The following ELP3 variants were observed in gnomAD, a reference collection of about 807,000 sequenced individuals.
ELP3 encodes elongator complex protein 3.
Under a neutral mutation model 74.9 loss-of-function variants are expected in ELP3, and 56 were observed. The ratio of observed to expected loss-of-function variants is 0.75; its 90% CI spans 0.60 to 0.93. The LOEUF (loss-of-function observed/expected upper bound fraction) is 0.93. Ranked by LOEUF, ELP3 falls within the 40% of genes least tolerant of loss-of-function variation. The pLI is 0.00. For missense variants in ELP3, 573 were observed against 686.5 expected (o/e 0.83, Z 1.85); for synonymous variants, 222 against 239.8 (o/e 0.93, Z 0.68).
intron 3 of ELP3, 57 bp downstream of exon 3, chr8:28,100,023 C>T (rs770788471): frequency 9.9e-5 from 159 of 1,610,218 alleles, no homozygotes; most frequent in East Asian, 1.6e-4. Context: ...TGGCAGAAGT[C>T]CCTGCTCCAT....
At chr8:28,144,242 G>A (rs1813348540) in intron 10 of ELP3, among the ~76,000 whole-genome samples, 2 of 152,164 alleles carry the variant, frequency 1.3e-5, no homozygotes, top group Non-Finnish European at 2.9e-5. Flanking sequence ...ATTCATGTTC[G>A]TATAGGACAC....
At chr8:28,137,419 T>G (rs1813030487) in intron 9 of ELP3, among the ~76,000 whole-genome samples, 1 of 151,276 alleles carries the variant, frequency 6.6e-6, no homozygotes, top group Non-Finnish European at 1.5e-5. Context: ...TTTGCAGGAG[T>G]GGAAAGGCCA....
intron 14 of ELP3, among the ~76,000 whole-genome samples, chr8:28,177,430 T>TA (rs1814803909): frequency 6.6e-6 from 1 of 152,232 alleles, no homozygotes; most frequent in African/African-American, 2.4e-5. Context: ...ATGAAACTAA[T>TA]GAATATATTT....
chr8:28,093,017 C>G, upstream of ELP3: 2 of 846,200 alleles, frequency 2.4e-6, no homozygotes, highest in Non-Finnish European at 3.8e-6. Context: ...AGGGGCCTCA[C>G]GGGCCGCCTG....
chr8:28,161,955 C>T, intron 13 of ELP3, 42 bp from the exon 14 acceptor site: 2 of 1,600,890 alleles, frequency 1.2e-6, no homozygotes, highest in Non-Finnish European at 1.7e-6. Context: ...TAATGAACTT[C>T]CTTCCTTTTT....
chr8:28,182,423 T>A (rs1404257983), intron 14 of ELP3, among the ~76,000 whole-genome samples: 1 of 152,082 alleles, frequency 6.6e-6, no homozygotes, highest in Non-Finnish European at 1.5e-5. Context: ...TAGCTGGGTG[T>A]GGTGGCATGC....
At chr8:28,183,639 G>A (rs1476791593) in intron 14 of ELP3, among the ~76,000 whole-genome samples, 1 of 152,090 alleles carries the variant, frequency 6.6e-6, no homozygotes, top group African/African-American at 2.4e-5. Flanking sequence ...TGCCCAGGCT[G>A]GTCTCGAACT....
chr8:28,179,344 C>T (rs551230790), intron 14 of ELP3, among the ~76,000 whole-genome samples: 8 of 152,294 alleles, frequency 5.3e-5, no homozygotes, highest in Middle Eastern at 6.8e-3. Flanking sequence ...ATGGATATTT[C>T]GGTAGTTTGC....
intron 14 of ELP3, among the ~76,000 whole-genome samples, chr8:28,179,738 C>T (rs1469198025): frequency 5.3e-5 from 8 of 152,138 alleles, no homozygotes; most frequent in East Asian, 1.9e-4. Context: ...CCCTTGCATG[C>T]GTAGTTCACA....
chr8:28,180,671 T>C (rs1458009221), intron 14 of ELP3, among the ~76,000 whole-genome samples: 2 of 152,202 alleles, frequency 1.3e-5, no homozygotes, highest in African/African-American at 2.4e-5. Flanking sequence ...ACCTAGGTGA[T>C]GCTAGCTTCC....
chr8:28,173,564 T>TA (rs1814620089), intron 14 of ELP3, among the ~76,000 whole-genome samples: 3 of 151,856 alleles, frequency 2.0e-5, no homozygotes, highest in African/African-American at 4.8e-5. Context: ...TTTTTTTTTT[T>TA]AATTCTCTAT....
At chr8:28,132,905 A>AT (rs1049359319) in intron 9 of ELP3, among the ~76,000 whole-genome samples, 4 of 151,878 alleles carry the variant, frequency 2.6e-5, no homozygotes, top group African/African-American at 7.3e-5. Context: ...TATGTGTATA[A>AT]TTTTTTTTAG....
chr8:28,092,870 G>A (rs905841754), upstream of ELP3: 1 of 309,368 alleles, frequency 3.2e-6, no homozygotes, highest in Non-Finnish European at 6.2e-6. Flanking sequence ...TTTCACTTAG[G>A]CTTCCTGGCG....
At position 28,136,839 on chromosome 8, in the gene ELP3, C is replaced by G. The variant is rs560971689; in HGVS notation, c.907-859C>G. ...TTTCTCCAAAATATATTATGCAAAACAAGATTAGAGCAAATTATCAGTGCA... is the reference window on the plus strand; with the variant it reads ...TTTCTCCAAAATATATTATGCAAAAGAAGATTAGAGCAAATTATCAGTGCA... On this transcript the variant is annotated intron_variant, in intron 9 of 14. Coordinates refer to ENST00000256398, the MANE Select transcript of ELP3 (RefSeq NM_018091.6). Among the ~76,000 whole-genome samples, 31 of 152,242 alleles carry G rather than the reference C, an allele frequency of 2.0e-4. 3 individuals are homozygous for G. The South Asian group carries it at 5.8e-3, about 29-fold the overall frequency.
At position 28,108,616 on chromosome 8, in the gene ELP3, C is replaced by T. The variant is rs192282611; in HGVS notation, c.393+640C>T. 5.5e-4 allele frequency among the ~76,000 whole-genome samples: 84 copies of T among 152,130 alleles called. 2 individuals carry two copies. The East Asian group carries it at 0.015, about 27-fold the overall frequency. On this transcript the variant is annotated intron_variant, in intron 5 of 14. Coordinates refer to ENST00000256398, the MANE Select transcript of ELP3 (RefSeq NM_018091.6). ...GGACTACAGGCAAGCACCACCACGC[C>T]CAGCTAATTTTTGTATTTTTAGTAG...
intron 6 of ELP3, among the ~76,000 whole-genome samples, chr8:28,111,537 C>T (rs1180960750): frequency 1.3e-5 from 2 of 152,096 alleles, no homozygotes; most frequent in Admixed American, 6.5e-5. Flanking sequence ...TTTTAATATC[C>T]ACTTTGCTGT....
rs140697794 is a variant in ELP3, at chr8:28,110,382, A to G, written c.406A>G (p.Arg136Gly). Residue 136 changes from arginine (R) to glycine (G), a missense_variant, in exon 6 of 15, where the codon AGA becomes GGA. Physicochemically the swap from Arg to Gly is moderately radical, Grantham distance 125. Coordinates refer to ENST00000256398, the MANE Select transcript of ELP3 (RefSeq NM_018091.6). ...TTTTCTCTTCTAGCCAACCTCCATG[A>G]GAGCTATCCGTGCCAGATATGACCC... ...SYTGYEPTSM[R>G]AIRARYDPFL... 4.1e-5 allele frequency: 66 copies of G among 1,613,602 alleles called. No homozygotes were observed. The highest frequency in any genetic ancestry group is 5.3e-5 in the Non-Finnish European group (63 of 1,179,838).
chr8:28,167,185 A>C (rs1338166611), intron 14 of ELP3, among the ~76,000 whole-genome samples: 1 of 152,176 alleles, frequency 6.6e-6, no homozygotes, highest in Non-Finnish European at 1.5e-5. Flanking sequence ...ATGGAGATGA[A>C]ATCATCCTTA....
chr8:28,131,557 T>C (rs971850105), intron 8 of ELP3, among the ~76,000 whole-genome samples: 2 of 152,204 alleles, frequency 1.3e-5, no homozygotes, highest in Non-Finnish European at 2.9e-5. Context: ...CTGTGGTTTC[T>C]AGGATCCTTC....
Sources: allele counts gnomAD v4.1 joint callset (sites outside exome capture counted in the v4.1 genomes callset), GRCh38; gene constraint gnomAD v4.1.1; transcripts MANE v1.5; gene names NCBI Gene and HGNC (gene_info 2026-07-23, HGNC 2026-07-21).